Variants in TTC39B observed in about 807,000 individuals in gnomAD.
TTC39B encodes tetratricopeptide repeat domain 39B.
TTC39B carries 92 observed loss-of-function variants against 96.6 expected under a neutral mutation model. That is an observed-to-expected ratio of 0.95 (90% CI 0.80 to 1.13). The LOEUF (loss-of-function observed/expected upper bound fraction) is 1.13. Among genes scored for constraint, TTC39B ranks in the 50% most tolerant of loss-of-function variants. The pLI is 0.00. For synonymous variants in TTC39B, 367 were observed against 299.4 expected (o/e 1.23, Z -2.33); for missense variants, 955 against 809.3 (o/e 1.18, Z -2.18).
intron 2 of TTC39B, among the ~76,000 whole-genome samples, chr9:15,267,194 G>A (rs1369861083): frequency 6.6e-6 from 1 of 152,198 alleles, no homozygotes; most frequent in East Asian, 1.9e-4. Flanking sequence ...CAACCATGCT[G>A]GCACCCTTAA....
At chr9:15,242,530 C>T (rs867255411) in intron 2 of TTC39B, among the ~76,000 whole-genome samples, 5 of 152,216 alleles carry the variant, frequency 3.3e-5, no homozygotes, top group South Asian at 2.1e-4. Flanking sequence ...CTGCAGTGAG[C>T]TGTGATCATG....
intron 2 of TTC39B, among the ~76,000 whole-genome samples, chr9:15,255,931 G>C (rs1822734579): frequency 6.6e-6 from 1 of 152,088 alleles, no homozygotes; most frequent in African/African-American, 2.4e-5. Flanking sequence ...CTCAATGGTG[G>C]CTACATTTTT....
chr9:15,266,304 T>C (rs1352033321), intron 2 of TTC39B, among the ~76,000 whole-genome samples: 1 of 151,676 alleles, frequency 6.6e-6, no homozygotes, highest in Non-Finnish European at 1.5e-5. Context: ...AAATGTATAA[T>C]ACTAAAATAA....
At chr9:15,299,476 T>C (rs1389902045) in intron 1 of TTC39B, among the ~76,000 whole-genome samples, 1 of 152,092 alleles carries the variant, frequency 6.6e-6, no homozygotes, top group Non-Finnish European at 1.5e-5. Context: ...GCGGTGGCTC[T>C]GGGTATAAAC....
At chr9:15,229,624 C>T (rs475957) in intron 2 of TTC39B, among the ~76,000 whole-genome samples, 23,969 of 152,160 alleles carry the variant, frequency 0.16, 2,962 homozygotes, top group East Asian at 0.59. Context: ...CACTGACATG[C>T]GTTGATTCCA....
At chr9:15,213,539 T>G (rs958222899) in intron 4 of TTC39B, among the ~76,000 whole-genome samples, 4 of 152,190 alleles carry the variant, frequency 2.6e-5, no homozygotes, top group African/African-American at 9.7e-5. Context: ...CCAAGTAATC[T>G]TGGAAATTAT....
At chr9:15,192,532 A>C in intron 9 of TTC39B, 58 bp downstream of exon 9, 1 of 1,358,158 alleles carries the variant, frequency 7.4e-7, no homozygotes, top group Non-Finnish European at 1.0e-6. Context: ...TGGAGAAGGC[A>C]CAGAAAACCT....
At chr9:15,199,697 T>C (rs559586040) in intron 8 of TTC39B, among the ~76,000 whole-genome samples, 164 bp downstream of exon 8, 1 of 113,550 alleles carries the variant, frequency 8.8e-6, no homozygotes, top group South Asian at 3.2e-4. Context: ...ATTGCGCCAC[T>C]GCACTCCAAC....
chr9:15,185,661 T>A, intron 15 of TTC39B: 1 of 380,840 alleles, frequency 2.6e-6, no homozygotes. Context: ...TGAGAACCAC[T>A]GACTGACACA....
chr9:15,204,197 T>A (rs79508674), intron 6 of TTC39B, among the ~76,000 whole-genome samples: 4,305 of 152,242 alleles, frequency 0.028, 213 homozygotes, highest in African/African-American at 0.098. Flanking sequence ...AGCACTTTTT[T>A]AAAAAAGGAA....
chr9:15,234,777 A>G (rs1821689341), intron 2 of TTC39B, among the ~76,000 whole-genome samples: 1 of 151,822 alleles, frequency 6.6e-6, no homozygotes, highest in African/African-American at 2.4e-5. Context: ...ACTCAGGGTT[A>G]AATGGATTAA....
chr9:15,256,234 G>A (rs1360573252), intron 2 of TTC39B, among the ~76,000 whole-genome samples: 1 of 150,442 alleles, frequency 6.6e-6, no homozygotes, highest in African/African-American at 2.5e-5. Context: ...CTTCTACCAC[G>A]TGAGGACACA....
chr9:15,270,812 C>T (rs1563777874), intron 1 of TTC39B, among the ~76,000 whole-genome samples: 3 of 151,250 alleles, frequency 2.0e-5, no homozygotes, highest in Non-Finnish European at 2.9e-5. Context: ...ACAGTAATCA[C>T]GGGGCAGAGA....
chr9:15,198,884 T>A (rs1283262813), intron 8 of TTC39B, among the ~76,000 whole-genome samples: 2 of 152,176 alleles, frequency 1.3e-5, no homozygotes, highest in African/African-American at 2.4e-5. Context: ...ATAAAAAGCA[T>A]GAGTGCCTAT....
chr9:15,267,742 G>T (rs1823187665), intron 2 of TTC39B, among the ~76,000 whole-genome samples, 172 bp downstream of exon 2: 1 of 152,080 alleles, frequency 6.6e-6, no homozygotes, highest in African/African-American at 2.4e-5. Flanking sequence ...GTATTAGATA[G>T]ATCCTTTCTT....
intron 2 of TTC39B, among the ~76,000 whole-genome samples, chr9:15,235,492 T>C (rs1465344658): frequency 6.6e-6 from 1 of 152,130 alleles, no homozygotes; most frequent in Non-Finnish European, 1.5e-5. Context: ...CAAGACGAAC[T>C]TCACCAAGGC....
At chr9:15,170,793 G>A (rs1304684911) in exon 20 of TTC39B, 1 of 152,182 alleles carries the variant, frequency 6.6e-6, no homozygotes, top group African/African-American at 2.4e-5. Context: ...ATACATGTGG[G>A]GAGTTGGGGG....
intron 1 of TTC39B, among the ~76,000 whole-genome samples, chr9:15,296,740 C>T (rs1408943586): frequency 6.6e-6 from 1 of 152,164 alleles, no homozygotes; most frequent in East Asian, 1.9e-4. Context: ...GGTGATACCC[C>T]CCTGCCTCGG....
At chr9:15,220,321 T>C (rs903847524) in intron 3 of TTC39B, among the ~76,000 whole-genome samples, 2 of 152,164 alleles carry the variant, frequency 1.3e-5, no homozygotes, top group Non-Finnish European at 2.9e-5. Flanking sequence ...ACAGCCAGAC[T>C]ACAGAAACTC....
Sources: allele counts gnomAD v4.1 joint callset (sites outside exome capture counted in the v4.1 genomes callset), GRCh38; gene constraint gnomAD v4.1.1; transcripts MANE v1.5; gene names NCBI Gene and HGNC (gene_info 2026-07-23, HGNC 2026-07-21).